Variants in GALNT17 observed in about 807,000 individuals in gnomAD.
GALNT17 encodes the protein UDP-GalNAc:polypeptide N-acetylgalactosaminyltransferase-like 3.
A neutral mutation model predicts 63.7 loss-of-function variants in GALNT17; 29 were observed. The observed-to-expected ratio is 0.46, with a 90% CI of 0.34 to 0.62. The LOEUF (loss-of-function observed/expected upper bound fraction) is 0.62, where lower values mean the gene tolerates loss of function less well. Ranked by LOEUF, GALNT17 falls within the 20% of genes least tolerant of loss-of-function variation. The probability of loss-of-function intolerance (pLI) is 0.01; values close to 1 mark genes in which losing one functional copy is unlikely to be tolerated. For synonymous variants in GALNT17, 305 were observed against 318.3 expected, an observed-to-expected ratio of 0.96 and a Z score of 0.45; for missense variants, 603 against 799.6, an observed-to-expected ratio of 0.75 and a Z score of 2.97.
intron 2 of GALNT17, among the ~76,000 whole-genome samples, chr7:71,363,505 C>T (rs1290746069): frequency 3.3e-5 from 5 of 152,160 alleles, no homozygotes; most frequent in African/African-American, 1.2e-4. Flanking sequence ...CTCCATCACC[C>T]CCATTCCCTT....
chr7:71,157,949 A>T (rs1788267726), intron 1 of GALNT17, among the ~76,000 whole-genome samples: 1 of 151,664 alleles, frequency 6.6e-6, no homozygotes, highest in Non-Finnish European at 1.5e-5. Context: ...GCTGCAAATG[A>T]CACGATTTCA....
Position 71,389,801 on chromosome 7 carries a change from C to A in GALNT17, c.589+1400C>A, listed in dbSNP as rs572794174. 2.0e-5 allele frequency among the ~76,000 whole-genome samples: 3 copies of A among 152,206 alleles called. No homozygotes were observed. In the South Asian group the frequency reaches 6.2e-4, roughly 32 times the overall value. Reference sequence around the variant, plus strand: ...GGAATTCTCCTCTGGGCCACTGTGCCCAAAATGATCTTAAGTAGAAGTGAG... The same window carrying A: ...GGAATTCTCCTCTGGGCCACTGTGCACAAAATGATCTTAAGTAGAAGTGAG... On this transcript the variant is annotated intron_variant, in intron 3 of 10. Transcript: ENST00000333538.
intron 1 of GALNT17, among the ~76,000 whole-genome samples, chr7:71,187,064 G>A (rs978661431): frequency 1.4e-4 from 21 of 152,116 alleles, no homozygotes; most frequent in African/African-American, 5.1e-4. Flanking sequence ...GTGTGAGAAG[G>A]CACTCAAACT....
intron 3 of GALNT17, among the ~76,000 whole-genome samples, chr7:71,408,361 G>A (rs1323417944): frequency 6.6e-6 from 1 of 152,244 alleles, no homozygotes; most frequent in Non-Finnish European, 1.5e-5. Context: ...CTCAGCAGCT[G>A]CTGGTGGGGA....
At chr7:71,255,504 G>A (rs1387531586) in intron 1 of GALNT17, among the ~76,000 whole-genome samples, 1 of 152,214 alleles carries the variant, frequency 6.6e-6, no homozygotes, top group African/African-American at 2.4e-5. Context: ...TAACACAGGA[G>A]CTAGCTAAGC....
chr7:71,199,951 T>G (rs1789136669), intron 1 of GALNT17, among the ~76,000 whole-genome samples: 1 of 152,226 alleles, frequency 6.6e-6, no homozygotes, highest in Admixed American at 6.5e-5. Context: ...TGTGCATTTC[T>G]TGCTTTCTAG....
chr7:71,452,828 T>A (rs1424987169), intron 5 of GALNT17, among the ~76,000 whole-genome samples: 1 of 152,132 alleles, frequency 6.6e-6, no homozygotes, highest in African/African-American at 2.4e-5. Context: ...TCTTGTTTTT[T>A]TGTTGTTGTT....
intron 9 of GALNT17, among the ~76,000 whole-genome samples, chr7:71,705,395 C>T (rs780698552): frequency 3.3e-5 from 5 of 152,048 alleles, no homozygotes; most frequent in Admixed American, 6.6e-5. Flanking sequence ...GAAATTGAAA[C>T]CCCGGTTCAT....
chr7:71,490,540 T>C (rs1320309626), intron 5 of GALNT17, among the ~76,000 whole-genome samples: 1 of 152,160 alleles, frequency 6.6e-6, no homozygotes, highest in Non-Finnish European at 1.5e-5. Flanking sequence ...AAGGGCACTT[T>C]GGGAGGCTGA....
chr7:71,209,996 C>T (rs1657229077), intron 1 of GALNT17, among the ~76,000 whole-genome samples: 1 of 152,054 alleles, frequency 6.6e-6, no homozygotes, highest in Admixed American at 6.6e-5. Context: ...AAACTGAGCT[C>T]ACTGCAACCT....
At chr7:71,172,186 C>T (rs994332524) in intron 1 of GALNT17, among the ~76,000 whole-genome samples, 3 of 152,060 alleles carry the variant, frequency 2.0e-5, no homozygotes, top group African/African-American at 7.2e-5. Context: ...ATGGATGAGG[C>T]TGGGTGCAGT....
At chr7:71,550,467 G>T (rs1789057777) in intron 5 of GALNT17, among the ~76,000 whole-genome samples, 1 of 152,004 alleles carries the variant, frequency 6.6e-6, no homozygotes, top group African/African-American at 2.4e-5. Context: ...TGCAACCTCT[G>T]CCTCCCGGGT....
At chr7:71,589,794 C>A (rs1789771858) in intron 6 of GALNT17, among the ~76,000 whole-genome samples, 1 of 152,138 alleles carries the variant, frequency 6.6e-6, no homozygotes, top group African/African-American at 2.4e-5. Context: ...GGAACTCAAC[C>A]CAAATCTACA....
At chr7:71,576,633 C>T (rs1032744488) in intron 6 of GALNT17, among the ~76,000 whole-genome samples, 7 of 151,780 alleles carry the variant, frequency 4.6e-5, no homozygotes, top group Admixed American at 2.6e-4. Context: ...TGCAATGGCA[C>T]GATCTCAGCT....
In GALNT17 at chr7:71,162,135, T is replaced by C. The variant is rs1033801622; in HGVS notation, c.238+29095T>C. ...TCCCTCCCTCCCTCCCTTCCTTCCT[T>C]CCTTCCTTCCTTCCTTCCTTCCTTC... On this transcript the variant is annotated intron_variant, in intron 1 of 10. Coordinates refer to ENST00000333538, the MANE Select transcript of GALNT17 (RefSeq NM_022479.3). Among the ~76,000 whole-genome samples, 72 of 122,290 alleles carry C rather than the reference T, an allele frequency of 5.9e-4. 1 individual carries two copies. Among genetic ancestry groups the C allele is most frequent in the South Asian group, 2.1e-3 (7 of 3,270 alleles). The allele number at this position is 122,290 out of a possible 152,430, so 80.2% of individuals were successfully genotyped here.
intron 5 of GALNT17, among the ~76,000 whole-genome samples, chr7:71,437,544 C>T (rs1389562761): frequency 5.9e-5 from 9 of 152,204 alleles, no homozygotes; most frequent in Admixed American, 4.6e-4. Flanking sequence ...TTGGTCGGCT[C>T]TGCGTGGCCG....
At chr7:71,415,856 T>C (rs1380500103) in intron 3 of GALNT17, 33 bp from the exon 4 acceptor site, 1 of 1,554,168 alleles carries the variant, frequency 6.4e-7, no homozygotes, top group South Asian at 1.2e-5. Flanking sequence ...AATGACATGT[T>C]TATAGACCTT....
chr7:71,185,951 G>C (rs1788843660), intron 1 of GALNT17, among the ~76,000 whole-genome samples: 1 of 152,162 alleles, frequency 6.6e-6, no homozygotes, highest in African/African-American at 2.4e-5. Context: ...GGAAATGTTG[G>C]TAAGCTGTTA....
intron 9 of GALNT17, among the ~76,000 whole-genome samples, chr7:71,705,861 A>G (rs1258165119): frequency 6.6e-6 from 1 of 152,162 alleles, no homozygotes; most frequent in Non-Finnish European, 1.5e-5. Context: ...ACACCTAGAC[A>G]AAGACTTAGA....
Sources: allele counts gnomAD v4.1 joint callset (sites outside exome capture counted in the v4.1 genomes callset), GRCh38; gene constraint gnomAD v4.1.1; transcripts MANE v1.5; gene names NCBI Gene and HGNC (gene_info 2026-07-23, HGNC 2026-07-21).